Variants in DMD observed in about 807,000 individuals in gnomAD.
DMD encodes the protein mutant dystrophin.
Under a neutral mutation model 330.1 loss-of-function variants are expected in DMD, and 63 were observed. The observed-to-expected ratio is 0.19, with a 90% confidence interval of 0.16 to 0.24. The LOEUF (loss-of-function observed/expected upper bound fraction) is 0.24, where lower values mean the gene tolerates loss of function less well. Among genes scored for constraint, DMD ranks in the 10% least tolerant of loss-of-function variants. The pLI is 1.00. For synonymous variants in DMD, 1,223 were observed against 959.8 expected (o/e 1.27, Z -5.07); for missense variants, 3,344 against 2,684.1 (o/e 1.25, Z -5.43).
chrX:32,999,301 TA>T (rs1429123018), intron 2 of DMD, among the ~76,000 whole-genome samples: 4 of 111,902 alleles, frequency 3.6e-5, no homozygotes, highest in East Asian at 2.8e-4. Context: ...TTTTTAGATT[TA>T]TTTTTTTTAG....
chrX:32,777,677 T>C (rs941801961), intron 7 of DMD, among the ~76,000 whole-genome samples: 6 of 112,110 alleles, frequency 5.4e-5, no homozygotes, highest in Admixed American at 9.5e-5. Context: ...CCAATTGGTA[T>C]TTAGACATGT....
At chrX:33,039,769 T>TA (rs367692503) in intron 1 of DMD, among the ~76,000 whole-genome samples, 152 of 111,642 alleles carry the variant, frequency 1.4e-3, no homozygotes, top group African/African-American at 4.4e-3. Flanking sequence ...GTAAAATACT[T>TA]ACGCTTTCCA....
At chrX:32,377,042 G>C (rs1031457191) in intron 34 of DMD, among the ~76,000 whole-genome samples, 4 of 111,529 alleles carry the variant, frequency 3.6e-5, no homozygotes, top group African/African-American at 1.3e-4. Flanking sequence ...AGTAAAATCT[G>C]TATTGTTTTT....
intron 50 of DMD, among the ~76,000 whole-genome samples, chrX:31,777,863 G>T (rs2090766553): frequency 9.0e-6 from 1 of 111,646 alleles, no homozygotes; most frequent in Non-Finnish European, 1.9e-5. Flanking sequence ...TCACACAATG[G>T]TTATTGGCTC....
In DMD at chrX:31,343,942, C is replaced by T. The variant is rs141475915; in HGVS notation, c.9163+4614G>A. On this transcript the variant is annotated intron_variant, in intron 61 of 78. Coordinates refer to ENST00000357033, the MANE Select transcript of DMD (RefSeq NM_004006.3). ...GAAGCTGCTTTTATAGTAGCAAATA[C>T]GTGACTTCAGAGATGTCCTGCTTCA... Among the ~76,000 whole-genome samples, 645 of 106,990 alleles carry T rather than the reference C, an allele frequency of 6.0e-3. 6 individuals carry two copies. The highest frequency in any genetic ancestry group is 0.021 in the African/African-American group (624 of 29,296). 92.9% of individuals were successfully genotyped at this position (106,990 alleles called of 115,157 possible). A position where few individuals can be genotyped will look rare whatever the true frequency, so the allele number is the denominator to read the frequency against.
chrX:32,099,140 C>A (rs1008907808), intron 44 of DMD, among the ~76,000 whole-genome samples: 1 of 111,571 alleles, frequency 9.0e-6, no homozygotes, highest in African/African-American at 3.3e-5. Flanking sequence ...CTATTTCTCC[C>A]CATCCTCTCC....
chrX:33,321,726 G>T lies in DMD; in HGVS notation c.7+17533C>A, dbSNP rs1463193694. Reference sequence around the variant, plus strand: ...TTTCTAGCTATGAAAATCCTAGATGGCATCTTCTTCAAATAGAAGGCTATT... The same window carrying T: ...TTTCTAGCTATGAAAATCCTAGATGTCATCTTCTTCAAATAGAAGGCTATT... On this transcript the variant is annotated intron_variant, in intron 1 of 17. Transcript: ENST00000288447. Among the ~76,000 whole-genome samples the T allele has an allele frequency of 6.2e-5, 7 of 112,021 alleles. No individual in the cohort carries two copies. The Admixed American group carries it at 6.6e-4, about 11-fold the overall frequency.
At chrX:31,773,568 A>G (rs1359413623) in intron 51 of DMD, among the ~76,000 whole-genome samples, 3 of 111,579 alleles carry the variant, frequency 2.7e-5, no homozygotes, top group South Asian at 3.7e-4. Flanking sequence ...AGACTATTAT[A>G]TTTGATTCTG....
chrX:31,915,184 C>T (rs938922377), intron 47 of DMD, among the ~76,000 whole-genome samples: 2 of 112,212 alleles, frequency 1.8e-5, no homozygotes, highest in Non-Finnish European at 3.8e-5. Flanking sequence ...TAGCTGGATG[C>T]AGTAAGTGAA....
At chrX:31,993,306 T>C (rs1430081143) in intron 44 of DMD, among the ~76,000 whole-genome samples, 6 of 111,892 alleles carry the variant, frequency 5.4e-5, no homozygotes, top group Non-Finnish European at 1.1e-4. Flanking sequence ...TCCCTTATCA[T>C]AGGAAAGAAT....
intron 7 of DMD, among the ~76,000 whole-genome samples, chrX:32,753,685 C>G (rs1300539715): frequency 8.9e-6 from 1 of 112,250 alleles, no homozygotes; most frequent in African/African-American, 3.2e-5. Flanking sequence ...ATTATCTCCT[C>G]TAAATACTAC....
intron 44 of DMD, among the ~76,000 whole-genome samples, chrX:32,156,631 T>TACACACACACACAC (rs747490085): frequency 5.1e-4 from 48 of 94,050 alleles, no homozygotes; most frequent in African/African-American, 1.8e-3. Flanking sequence ...GACAAAAGGA[T>TACACACACACACAC]ACACACACAC....
chrX:32,614,340 T>G lies in DMD; in HGVS notation c.1445A>C (p.Asp482Ala). 1 of 1,208,736 alleles carries G rather than the reference T, an allele frequency of 8.3e-7. No homozygotes were observed. Among genetic ancestry groups the G allele is most frequent in the Non-Finnish European group, 1.1e-6 (1 of 893,857 alleles). ...TACTTGGCGTTTTAGGTCTTCAAGATCAGGTCCAAGAGGCTCTTCCTCCAT... is the reference window on the plus strand; with the variant it reads ...TACTTGGCGTTTTAGGTCTTCAAGAGCAGGTCCAAGAGGCTCTTCCTCCAT... ...RKMEEEPLGP[D>A]LEDLKRQVQQ... Residue 482 changes from aspartate (D) to alanine (A), a missense_variant, in exon 12 of 79, where the codon GAT becomes GCT. Asp to Ala is a moderately radical substitution (Grantham distance 126). Transcript: ENST00000357033.
intron 1 of DMD, among the ~76,000 whole-genome samples, chrX:33,066,322 G>A (rs868257051): frequency 1.9e-5 from 2 of 106,921 alleles, no homozygotes; most frequent in Non-Finnish European, 1.9e-5. Context: ...GGTGGTGCGC[G>A]CCTGTAATCC....
At chrX:32,407,737 T>C (rs1322244020) in intron 30 of DMD, among the ~76,000 whole-genome samples, 1 of 109,957 alleles carries the variant, frequency 9.1e-6, no homozygotes, top group Non-Finnish European at 1.9e-5. Context: ...TGTCTCACAA[T>C]GATACAATGG....
intron 44 of DMD, among the ~76,000 whole-genome samples, chrX:31,988,776 T>C (rs926884934): frequency 9.1e-6 from 1 of 109,398 alleles, no homozygotes; most frequent in African/African-American, 3.3e-5. Flanking sequence ...TGTGCTCTCA[T>C]TTCTCTCTCT....
intron 1 of DMD, among the ~76,000 whole-genome samples, chrX:33,298,635 C>A (rs944888922): frequency 1.8e-5 from 2 of 111,573 alleles, no homozygotes; most frequent in African/African-American, 6.5e-5. Context: ...TATCTTATTT[C>A]TTGCTGATAC....
At chrX:31,527,484 G>A (rs1244165354) in intron 55 of DMD, among the ~76,000 whole-genome samples, 1 of 112,085 alleles carries the variant, frequency 8.9e-6, no homozygotes, top group East Asian at 2.8e-4. Flanking sequence ...TGTTAAGTAT[G>A]TTGCATGCAT....
At chrX:31,444,806 C>A (rs771242308) in intron 59 of DMD, among the ~76,000 whole-genome samples, 179 bp from the exon 60 acceptor site, 1 of 111,360 alleles carries the variant, frequency 9.0e-6, no homozygotes, top group Admixed American at 9.6e-5. Flanking sequence ...AAAAAGGAAA[C>A]GAAATCAAAA....
Sources: allele counts gnomAD v4.1 joint callset (sites outside exome capture counted in the v4.1 genomes callset), GRCh38; gene constraint gnomAD v4.1.1; transcripts MANE v1.5; gene names NCBI Gene and HGNC (gene_info 2026-07-23, HGNC 2026-07-21).